Variants in ATP10D observed in about 807,000 individuals in gnomAD.
The protein encoded by ATP10D is ATPase phospholipid transporting 10D (putative).
Under a neutral mutation model 144.8 loss-of-function variants are expected in ATP10D, and 89 were observed. That is an observed-to-expected ratio of 0.61 (90% CI 0.52 to 0.73). ATP10D has a LOEUF of 0.73. ATP10D is among the 30% of genes least tolerant of loss of function. The pLI, the probability that ATP10D is intolerant of heterozygous loss-of-function variation, is 0.00. For synonymous variants in ATP10D, 571 were observed against 615.1 expected (o/e 0.93, Z 1.06); for missense variants, 1,603 against 1,714.8 (o/e 0.93, Z 1.15).
At chr4:47,523,746 GA>G (rs1172577906) in intron 4 of ATP10D, among the ~76,000 whole-genome samples, 1 of 152,162 alleles carries the variant, frequency 6.6e-6, no homozygotes, top group Admixed American at 6.5e-5. Context: ...ATCTTAAAAT[GA>G]AAATGATGGT....
chr4:47,505,817 ACATAGGGCAT>A (rs1281449979), intron 1 of ATP10D, among the ~76,000 whole-genome samples: 1 of 152,162 alleles, frequency 6.6e-6, no homozygotes, highest in East Asian at 1.9e-4. Context: ...TGCAAAACAA[ACATAGGGCAT>A]CTTGAAATGA....
At chr4:47,525,519 C>T in intron 4 of ATP10D, 38 bp from the exon 5 acceptor site, 7 of 1,431,236 alleles carry the variant, frequency 4.9e-6, no homozygotes, top group Non-Finnish European at 6.9e-6. Context: ...AGGGTTTAAC[C>T]TTGAATTCTT....
intron 5 of ATP10D, among the ~76,000 whole-genome samples, chr4:47,532,371 A>G (rs771846164): frequency 2.0e-5 from 3 of 152,104 alleles, no homozygotes; most frequent in Non-Finnish European, 4.4e-5. Flanking sequence ...CTCCTCTGAT[A>G]TCCGTTTGCT....
intron 9 of ATP10D, among the ~76,000 whole-genome samples, chr4:47,543,128 A>G (rs114517143): frequency 0.016 from 2,418 of 151,538 alleles, 51 homozygotes; most frequent in African/African-American, 0.054. Context: ...TTACTACAGT[A>G]TATTGTTATA....
At chr4:47,572,761 C>T (rs1166442471) in intron 17 of ATP10D, 111 bp from the exon 18 acceptor site, 6 of 1,350,714 alleles carry the variant, frequency 4.4e-6, no homozygotes, top group Non-Finnish European at 6.1e-6. Flanking sequence ...GGAACAAATG[C>T]GGTCAGAAGA....
In ATP10D at chr4:47,525,625, C is replaced by G. The variant is rs780506636; in HGVS notation, c.759C>G (p.Ser253Arg). Residue 253 changes from serine (S) to arginine (R), a missense_variant, in exon 5 of 23, where the codon AGC becomes AGG. By Grantham distance (110) the Ser-to-Arg change is moderately radical. Transcript: ENST00000273859. ...IECESPNNDL[S>R]RFRGFLEHSN... ...GTGAAAGCCCAAACAATGACCTCAG[C>G]AGATTCCGAGGCTTCCTGTGAGTAA... is the stretch of plus-strand genomic sequence containing the variant. 6.2e-7 allele frequency: 1 copy of G among 1,612,808 alleles called. No individual in the cohort carries two copies. The highest frequency in any genetic ancestry group is 1.1e-5 in the South Asian group (1 of 91,052).
chr4:47,576,652 T>A (rs1720258671), intron 18 of ATP10D, 121 bp from the exon 19 acceptor site: 1 of 868,646 alleles, frequency 1.2e-6, no homozygotes, highest in Admixed American at 2.2e-5. Context: ...TGGTCCTATC[T>A]TATATAAGAA....
rs548816158 is a variant in ATP10D, at chr4:47,536,868, C to T, written c.1326C>T (p.Thr442=). 1 of 1,613,354 alleles carries T rather than the reference C, an allele frequency of 6.2e-7. No homozygotes were observed. Among genetic ancestry groups the T allele is most frequent in the South Asian group, 1.1e-5 (1 of 91,026 alleles). ...IQYLFSDKTG[T]LTENKMVFRR... is the part of the protein sequence containing the mutation. The stretch of plus-strand genomic sequence containing the variant: ...ACCTCTTTTCCGATAAGACAGGAAC[C>T]CTCACTGAGAATAAGATGGTTTTTC... Residue 442 remains threonine, a synonymous_variant, in exon 9 of 23, where the codon ACC becomes ACT. Coordinates refer to ENST00000273859, the MANE Select transcript of ATP10D (RefSeq NM_020453.4).
chr4:47,581,956 G>C lies in ATP10D; in HGVS notation c.3649-4G>C. The C allele has an allele frequency of 6.2e-7, 1 of 1,611,440 alleles. No individual in the cohort carries two copies. The highest frequency in any genetic ancestry group is 8.5e-7 in the Non-Finnish European group (1 of 1,177,708). On this transcript the variant is annotated splice_polypyrimidine_tract_variant and splice_region_variant and intron_variant, in intron 20 of 22. Transcript: ENST00000273859. The stretch of plus-strand genomic sequence containing the variant: ...CAGGATCATCTAATGTCCTCTCTTT[G>C]TAGACCTACCAGGGCTCAGATACTG...
chr4:47,506,661 A>G (rs2109394826), intron 1 of ATP10D, among the ~76,000 whole-genome samples: 1 of 152,334 alleles, frequency 6.6e-6, no homozygotes, highest in African/African-American at 2.4e-5. Flanking sequence ...ATTACTGAGG[A>G]TAGTAGAGTA....
At position 47,526,087 on chromosome 4, in the gene ATP10D, T is replaced by C. The variant is rs183326385; in HGVS notation, c.776+445T>C. Among the ~76,000 whole-genome samples the C allele has an allele frequency of 2.9e-3, 440 of 152,302 alleles. 2 individuals are homozygous for C. The highest frequency in any genetic ancestry group is 6.8e-3 in the Middle Eastern group (2 of 294). The stretch of plus-strand genomic sequence containing the variant: ...AATTATCCTGATACTATTACCTTGA[T>C]ACCAAAAGCATATAAAGACATTTAA... On this transcript the variant is annotated intron_variant, in intron 5 of 22. Transcript: ENST00000273859.
chr4:47,487,254 A>T (rs1714819386), intron 1 of ATP10D, among the ~76,000 whole-genome samples: 1 of 150,740 alleles, frequency 6.6e-6, no homozygotes, highest in Non-Finnish European at 1.5e-5. Context: ...AAAAAAATAG[A>T]ATCTCATTTA....
At chr4:47,500,405 A>G (rs1189815462) in intron 1 of ATP10D, among the ~76,000 whole-genome samples, 1 of 152,218 alleles carries the variant, frequency 6.6e-6, no homozygotes, top group Non-Finnish European at 1.5e-5. Context: ...AATTGTCAGG[A>G]TCTAAATTAG....
chr4:47,503,846 CA>C (rs1382685430), intron 1 of ATP10D, among the ~76,000 whole-genome samples: 2 of 151,936 alleles, frequency 1.3e-5, no homozygotes, highest in Non-Finnish European at 2.9e-5. Flanking sequence ...CTGCAGTGAG[CA>C]GTGATTGCAC....
At chr4:47,556,395 A>G (rs532161786) in intron 11 of ATP10D, among the ~76,000 whole-genome samples, 89 of 152,356 alleles carry the variant, frequency 5.8e-4, no homozygotes, top group Non-Finnish European at 1.2e-3. Flanking sequence ...TTATGCAGTT[A>G]CAGAATAAAG....
chr4:47,546,600 C>T, intron 9 of ATP10D, 24 bp from the exon 10 acceptor site: 1 of 1,599,864 alleles, frequency 6.3e-7, no homozygotes. Context: ...CAGACATTGA[C>T]TCAGTGTGCT....
chr4:47,574,202 T>G (rs1009628061), intron 18 of ATP10D, among the ~76,000 whole-genome samples: 2 of 152,132 alleles, frequency 1.3e-5, no homozygotes, highest in Admixed American at 1.3e-4. Context: ...AACTCCAGAT[T>G]GAATCCAACA....
intron 5 of ATP10D, among the ~76,000 whole-genome samples, chr4:47,529,319 T>C (rs927154073): frequency 3.3e-5 from 5 of 152,134 alleles, no homozygotes; most frequent in Non-Finnish European, 7.4e-5. Context: ...TTTTTGTAGA[T>C]GGTGAGAGGT....
intron 10 of ATP10D, among the ~76,000 whole-genome samples, chr4:47,549,039 C>G (rs1033728104): frequency 6.6e-6 from 1 of 152,158 alleles, no homozygotes; most frequent in Admixed American, 6.5e-5. Context: ...AGTGAGGATG[C>G]TAGGCAGGGT....
Sources: allele counts gnomAD v4.1 joint callset (sites outside exome capture counted in the v4.1 genomes callset), GRCh38; gene constraint gnomAD v4.1.1; transcripts MANE v1.5; gene names NCBI Gene and HGNC (gene_info 2026-07-23, HGNC 2026-07-21).